The following CADPS variants were observed in gnomAD, a reference collection of about 807,000 sequenced individuals.
The protein encoded by CADPS is calcium dependent secretion activator, also known as calcium-dependent secretion activator 1.
In CADPS, 57 loss-of-function variants were observed where a neutral mutation model predicts 167.3. The ratio of observed to expected loss-of-function variants is 0.34; its 90% CI spans 0.28 to 0.42. The LOEUF is 0.42. CADPS is among the 20% of genes least tolerant of loss of function. The pLI, the probability that CADPS is intolerant of heterozygous loss-of-function variation, is 1.00. For synonymous variants in CADPS, 676 were observed against 635.3 expected (o/e 1.06, Z -0.96); for missense variants, 1,414 against 1,738.1 (o/e 0.81, Z 3.32).
intron 3 of CADPS, among the ~76,000 whole-genome samples, chr3:62,679,612 A>T (rs923716852): frequency 6.6e-6 from 1 of 152,064 alleles, no homozygotes; most frequent in African/African-American, 2.4e-5. Context: ...GAGATAGTGA[A>T]ATAACTGGAG....
intron 1 of CADPS, among the ~76,000 whole-genome samples, chr3:62,794,716 C>T (rs1006903771): frequency 4.2e-5 from 6 of 143,786 alleles, no homozygotes; most frequent in South Asian, 2.2e-4. Context: ...GAGGGCCCCG[C>T]GGATACGTTT....
chr3:62,536,474 G>A lies in CADPS; in HGVS notation c.2074C>T (p.His692Tyr), dbSNP rs1329663840. Residue 692 changes from histidine to tyrosine, a missense_variant, in exon 12 of 30, where the codon CAC (histidine) becomes TAC (tyrosine). Around this residue, in one of 6 missense-constraint regions of CADPS, gnomAD observed 529 missense variants for 629.6 expected, o/e 0.84. Coordinates refer to ENST00000383710, the MANE Select transcript of CADPS (RefSeq NM_003716.4). ...CAAGAATAGGAATCATTAAGTCTGT[G>A]ATCCAAAGTAAGGCGTTGTACCATC... The part of the protein sequence containing the change: ...FEMVQRLTLD[H>Y]RLNDSYSCLG... 3.7e-6 allele frequency: 6 copies of A among 1,613,286 alleles called. No homozygotes were observed. Among genetic ancestry groups the A allele is most frequent in the Admixed American group, 3.3e-5 (2 of 59,984 alleles).
chr3:62,425,516 C>T lies in CADPS; in HGVS notation c.3777+12588G>A, dbSNP rs570393897. Reference sequence around the variant, plus strand: ...CTGAATCAGAATATTTAATGTACAACTGGAATGAGTACATTTTTAAAATAA... The same window carrying T: ...CTGAATCAGAATATTTAATGTACAATTGGAATGAGTACATTTTTAAAATAA... On this transcript the variant is annotated intron_variant, in intron 28 of 29. Transcript: ENST00000383710. Among the ~76,000 whole-genome samples, 16 of 152,240 alleles carry T rather than the reference C, an allele frequency of 1.1e-4. No individual in the cohort carries two copies. The South Asian group carries it at 3.1e-3, about 30-fold the overall frequency.
At chr3:62,512,900 C>T in intron 16 of CADPS, 132 bp from the exon 17 acceptor site, 1 of 645,416 alleles carries the variant, frequency 1.5e-6, no homozygotes, top group Non-Finnish European at 2.5e-6. Context: ...AAAAGGTTGC[C>T]CTTGGGTTCC....
At position 62,433,048 on chromosome 3, in the gene CADPS, C is replaced by T. The variant is rs1212065407; in HGVS notation, c.3777+5056G>A. Among the ~76,000 whole-genome samples, 1 of 152,150 alleles carries T rather than the reference C, an allele frequency of 6.6e-6. No homozygotes were observed. The highest frequency in any genetic ancestry group is 1.5e-5 in the Non-Finnish European group (1 of 68,030). On this transcript the variant is annotated intron_variant, in intron 28 of 29. Transcript: ENST00000383710. This position sits in a 1 kb window ranked among gnomAD's most constrained non-coding sequence, Gnocchi z 4.7. ...CCTGGACAGCTGGTGATATACCTTA[C>T]AGATATAGCGTCATGTCCTCCTTGT...
intron 12 of CADPS, among the ~76,000 whole-genome samples, chr3:62,533,577 T>C (rs1166318163): frequency 6.6e-6 from 1 of 152,186 alleles, no homozygotes; most frequent in East Asian, 1.9e-4. Flanking sequence ...ATGGAAATCC[T>C]GGTCGTTAAG....
intron 3 of CADPS, among the ~76,000 whole-genome samples, chr3:62,678,539 G>A (rs149984573): frequency 6.6e-6 from 1 of 151,914 alleles, no homozygotes; most frequent in African/African-American, 2.4e-5. Context: ...ATCTTGTACA[G>A]AAGGAAGAAA....
intron 9 of CADPS, among the ~76,000 whole-genome samples, chr3:62,558,573 T>G (rs1444968681): frequency 6.6e-6 from 1 of 152,168 alleles, no homozygotes; most frequent in Non-Finnish European, 1.5e-5. Context: ...GTGGGGGACA[T>G]TTTTAGTCTC....
intron 11 of CADPS, among the ~76,000 whole-genome samples, chr3:62,546,908 G>A (rs62243508): frequency 0.073 from 11,151 of 152,164 alleles, 558 homozygotes; most frequent in African/African-American, 0.15. Context: ...AGGGAAGACT[G>A]TATTCCCTCA....
intron 28 of CADPS, among the ~76,000 whole-genome samples, chr3:62,405,873 A>G (rs1708293047): frequency 6.6e-6 from 1 of 152,224 alleles, no homozygotes; most frequent in Non-Finnish European, 1.5e-5. Flanking sequence ...TTTTCCAGAA[A>G]GGCGCTTCAA....
intron 26 of CADPS, among the ~76,000 whole-genome samples, chr3:62,456,983 G>T (rs1489097673): frequency 6.6e-6 from 1 of 152,044 alleles, no homozygotes; most frequent in Non-Finnish European, 1.5e-5. Context: ...AGAAAGTCTA[G>T]AAAGTTCCTT....
Position 62,851,297 on chromosome 3 carries a change from G to A in CADPS, c.441+23292C>T, listed in dbSNP as rs1345289600. On this transcript the variant is annotated intron_variant, in intron 1 of 29. Transcript: ENST00000383710. ...ACATTTAAAGTTAATATTGTTATGT[G>A]TGAATTTGATCCTGTCATTATGATG... 7.1e-5 allele frequency among the ~76,000 whole-genome samples: 9 copies of A among 126,228 alleles called. No homozygotes were observed. The East Asian group carries it at 2.1e-3, about 29-fold the overall frequency. 82.8% of individuals were successfully genotyped at this position (126,228 alleles called of 152,430 possible). A position where few individuals can be genotyped will look rare whatever the true frequency, so the allele number is the denominator to read the frequency against.
Position 62,521,952 on chromosome 3 carries a change from C to T in CADPS, c.2292-3702G>A, listed in dbSNP as rs148495807. Among the ~76,000 whole-genome samples, 516 of 152,266 alleles carry T rather than the reference C, an allele frequency of 3.4e-3. 6 individuals are homozygous for T. Among genetic ancestry groups the T allele is most frequent in the African/African-American group, 0.012 (481 of 41,564 alleles). On this transcript the variant is annotated intron_variant, in intron 13 of 29. Coordinates refer to ENST00000383710, the MANE Select transcript of CADPS (RefSeq NM_003716.4). The stretch of plus-strand genomic sequence containing the variant: ...AGGACACCCTCCTCTGGAATCCTTA[C>T]GTTGAATAAATGATACAAGGCTAGA...
At chr3:62,671,898 G>A (rs185383513) in intron 3 of CADPS, among the ~76,000 whole-genome samples, 2 of 152,180 alleles carry the variant, frequency 1.3e-5, no homozygotes, top group Admixed American at 6.5e-5. Flanking sequence ...AAGAAGCTGG[G>A]ACTACAGGTG....
intron 2 of CADPS, among the ~76,000 whole-genome samples, chr3:62,758,033 T>G (rs1477264214): frequency 6.6e-6 from 1 of 152,196 alleles, no homozygotes. Context: ...AAGATGAGAT[T>G]TGAGTGGGGA....
rs985054807 is a variant in CADPS at position 62,486,464 on chromosome 3, A to G, written c.3027-4595T>C. ...CGTCTCAAAAAAAAAAAAAAAAAAA[A>G]AAGATATTGATATCTATGACTATTT... On this transcript the variant is annotated intron_variant, in intron 21 of 29. Coordinates refer to ENST00000383710, the MANE Select transcript of CADPS (RefSeq NM_003716.4). Among the ~76,000 whole-genome samples the G allele has an allele frequency of 5.9e-5, 9 of 152,158 alleles. No homozygotes were observed. In the East Asian group the frequency reaches 7.7e-4, roughly 13 times the overall value.
intron 13 of CADPS, among the ~76,000 whole-genome samples, chr3:62,527,306 T>C (rs2072530952): frequency 6.6e-6 from 1 of 152,192 alleles, no homozygotes. Flanking sequence ...ATTTTTGGCT[T>C]TGCTTTCAGG....
At chr3:62,707,657 T>C (rs1235847649) in intron 3 of CADPS, among the ~76,000 whole-genome samples, 3 of 152,150 alleles carry the variant, frequency 2.0e-5, no homozygotes, top group African/African-American at 7.2e-5. Context: ...CTAAGTTGAG[T>C]TGTTATTGCA....
chr3:62,822,500 A>T (rs1257986747), intron 1 of CADPS, among the ~76,000 whole-genome samples: 2 of 152,148 alleles, frequency 1.3e-5, no homozygotes, highest in African/African-American at 4.8e-5. Flanking sequence ...ATTTCTCCTA[A>T]ATATTCTAAC....
Sources: allele counts gnomAD v4.1 joint callset (sites outside exome capture counted in the v4.1 genomes callset), GRCh38; gene constraint gnomAD v4.1.1; regional missense constraint gnomAD v4.1.1; non-coding constraint Gnocchi (gnomAD v3.1); transcripts MANE v1.5; gene names NCBI Gene and HGNC (gene_info 2026-07-23, HGNC 2026-07-21).